Variants in PCNX1 observed in about 807,000 individuals in gnomAD.
The protein encoded by PCNX1 is pecanex-like protein 1.
A neutral mutation model predicts 242.2 loss-of-function variants in PCNX1; 78 were observed. The ratio of observed to expected loss-of-function variants is 0.32; its 90% confidence interval spans 0.27 to 0.39. PCNX1 has a LOEUF of 0.39. PCNX1 is among the 10% of genes least tolerant of loss of function. The pLI is 1.00. For synonymous variants in PCNX1, 1,024 were observed against 1,032.9 expected (o/e 0.99, Z 0.17); for missense variants, 2,581 against 2,856.5 (o/e 0.90, Z 2.20).
chr14:71,056,323 G>T (rs1055652539), intron 25 of PCNX1, among the ~76,000 whole-genome samples: 8 of 152,134 alleles, frequency 5.3e-5, no homozygotes, highest in African/African-American at 1.9e-4. Context: ...TCATGTTCTG[G>T]TAGAGAAAAT....
intron 1 of PCNX1, among the ~76,000 whole-genome samples, chr14:70,924,180 C>T (rs1337835614): frequency 1.4e-5 from 2 of 145,612 alleles, no homozygotes; most frequent in African/African-American, 5.1e-5. Flanking sequence ...TATAGTGAGC[C>T]GAGATTGTGC....
At chr14:71,068,155 C>T (rs570665573) in intron 26 of PCNX1, among the ~76,000 whole-genome samples, 68 of 151,640 alleles carry the variant, frequency 4.5e-4, no homozygotes, top group African/African-American at 1.5e-3. Context: ...GGTGAAACCC[C>T]GTCTCTACTA....
At chr14:70,969,692 T>A (rs1488952468) in intron 5 of PCNX1, among the ~76,000 whole-genome samples, 6 of 152,092 alleles carry the variant, frequency 3.9e-5, no homozygotes, top group Non-Finnish European at 8.8e-5. Context: ...AAAAGACCTT[T>A]ACATGTACTG....
At chr14:70,967,899 T>A (rs1057460634) in intron 3 of PCNX1, among the ~76,000 whole-genome samples, 5 of 152,154 alleles carry the variant, frequency 3.3e-5, no homozygotes, top group Non-Finnish European at 7.4e-5. Context: ...AAATGATAAT[T>A]GTATGACATG....
intron 2 of PCNX1, among the ~76,000 whole-genome samples, chr14:70,949,271 A>ACACGTGTATACACACACACGTGTATG (rs1566608440): frequency 4.5e-5 from 1 of 22,270 alleles, no homozygotes; most frequent in Non-Finnish European, 1.2e-4. Flanking sequence ...ACGTGTATGC[A>ACACGTGTATACACACACACGTGTATG]CACACGTGTA....
At chr14:71,066,450 C>T (rs2061449284) in intron 26 of PCNX1, among the ~76,000 whole-genome samples, 1 of 152,288 alleles carries the variant, frequency 6.6e-6, no homozygotes. Context: ...GATTTTTGCA[C>T]ATTGATCTGT....
In PCNX1 at chr14:71,028,707, A is replaced by G. The variant is rs141590961; in HGVS notation, c.3474A>G (p.Thr1158=). 5.0e-6 allele frequency: 8 copies of G among 1,600,942 alleles called. No homozygotes were observed. The highest frequency in any genetic ancestry group is 1.7e-5 in the Admixed American group (1 of 58,376). The change falls in exon 16 of 36, where the codon ACA becomes ACG. Residue 1158 remains threonine, a synonymous_variant. Coordinates refer to ENST00000304743, the MANE Select transcript of PCNX1 (RefSeq NM_014982.3). ...TTTCCTTTTCCTGTCTAGCCACTAC[A>G]AGCCTGCTTGCAGCACTTTACAGTT... The part of the protein sequence containing the change: ...DIHIFGGNAT[T]SLLAALYSFI...
intron 19 of PCNX1, among the ~76,000 whole-genome samples, chr14:71,038,764 C>T (rs1344755635): frequency 6.6e-6 from 1 of 152,080 alleles, no homozygotes; most frequent in Non-Finnish European, 1.5e-5. Flanking sequence ...TATAGAGACA[C>T]ATGCACACGT....
chr14:71,017,357 C>CA (rs988070418), intron 11 of PCNX1, among the ~76,000 whole-genome samples: 1 of 151,884 alleles, frequency 6.6e-6, no homozygotes. Flanking sequence ...TTTCCATATG[C>CA]AAAAAAATAG....
At chr14:70,990,948 C>T (rs978381554) in intron 7 of PCNX1, among the ~76,000 whole-genome samples, 1 of 152,040 alleles carries the variant, frequency 6.6e-6, no homozygotes, top group Non-Finnish European at 1.5e-5. Context: ...TTTCTTACTC[C>T]ATGTTTATAT....
At chr14:70,998,750 C>CAAAAAAAAAAAAAA (rs34044438) in intron 8 of PCNX1, among the ~76,000 whole-genome samples, 1 of 89,090 alleles carries the variant, frequency 1.1e-5, no homozygotes, top group Non-Finnish European at 2.3e-5. Flanking sequence ...GACCCTATCT[C>CAAAAAAAAAAAAAA]AAAAAAAAAA....
intron 3 of PCNX1, among the ~76,000 whole-genome samples, chr14:70,963,078 G>A (rs915755986): frequency 4.6e-5 from 7 of 152,154 alleles, no homozygotes; most frequent in African/African-American, 1.7e-4. Flanking sequence ...TCAGGGTCTG[G>A]ACTAGACCGC....
At chr14:71,084,697 C>T (rs1050665655) in intron 28 of PCNX1, among the ~76,000 whole-genome samples, 9 of 152,182 alleles carry the variant, frequency 5.9e-5, no homozygotes, top group Non-Finnish European at 1.2e-4. Flanking sequence ...GCCCCTTCCC[C>T]CACCAAGCTT....
At chr14:70,950,127 A>C (rs1293370437) in intron 2 of PCNX1, among the ~76,000 whole-genome samples, 1 of 152,144 alleles carries the variant, frequency 6.6e-6, no homozygotes, top group Non-Finnish European at 1.5e-5. Context: ...TATTCTTAAC[A>C]TGAGTACCCT....
At chr14:71,109,630 CT>C in intron 35 of PCNX1, 38 bp downstream of exon 35, 1 of 1,611,996 alleles carries the variant, frequency 6.2e-7, no homozygotes, top group Non-Finnish European at 8.5e-7. Context: ...GGGGCTCTGC[CT>C]TTTTTGAAGT....
At chr14:71,036,326 A>G (rs2060530947) in intron 19 of PCNX1, among the ~76,000 whole-genome samples, 169 bp downstream of exon 19, 1 of 152,054 alleles carries the variant, frequency 6.6e-6, no homozygotes, top group African/African-American at 2.4e-5. Context: ...CCACCACACC[A>G]GGCTAATTTA....
intron 11 of PCNX1, among the ~76,000 whole-genome samples, chr14:71,014,508 G>A (rs1340868547): frequency 1.3e-5 from 2 of 152,144 alleles, no homozygotes; most frequent in African/African-American, 4.8e-5. Context: ...TGTTTAAAAA[G>A]TTAACTACGG....
At chr14:71,102,918 C>G (rs558579191) in intron 31 of PCNX1, among the ~76,000 whole-genome samples, 2 of 152,162 alleles carry the variant, frequency 1.3e-5, no homozygotes, top group East Asian at 1.9e-4. Flanking sequence ...TTAAATAGTT[C>G]ATTCTAACTT....
At chr14:71,012,072 T>TGATG (rs2059834930) in intron 10 of PCNX1, 1 of 153,238 alleles carries the variant, frequency 6.5e-6, no homozygotes, top group Non-Finnish European at 1.5e-5. Flanking sequence ...ACTGGTAAAC[T>TGATG]GATGGATGGA....
Sources: allele counts gnomAD v4.1 joint callset (sites outside exome capture counted in the v4.1 genomes callset), GRCh38; gene constraint gnomAD v4.1.1; transcripts MANE v1.5; gene names NCBI Gene and HGNC (gene_info 2026-07-23, HGNC 2026-07-21).